PTPRK: variants seen among roughly 807,000 people sequenced by gnomAD.
PTPRK encodes protein tyrosine phosphatase receptor type K.
A neutral mutation model predicts 178.0 loss-of-function variants in PTPRK; 75 were observed. The ratio of observed to expected loss-of-function variants is 0.42; its 90% CI spans 0.35 to 0.51. PTPRK has a LOEUF of 0.51. Among genes scored for constraint, PTPRK ranks in the 20% least tolerant of loss-of-function variants. The pLI, the probability that PTPRK is intolerant of heterozygous loss-of-function variation, is 0.02. For synonymous variants in PTPRK, 637 were observed against 620.6 expected (o/e 1.03, Z -0.39); for missense variants, 1,441 against 1,797.8 (o/e 0.80, Z 3.59).
At chr6:128,520,208 C>A (rs1293341289) in intron 1 of PTPRK, 51 bp downstream of exon 1, 1 of 1,482,948 alleles carries the variant, frequency 6.7e-7, no homozygotes, top group South Asian at 1.2e-5. Context: ...GCTCACCCCT[C>A]GTGAGCCCAG....
intron 6 of PTPRK, among the ~76,000 whole-genome samples, chr6:128,188,241 T>C (rs911207737): frequency 2.6e-5 from 4 of 152,222 alleles, no homozygotes; most frequent in Admixed American, 2.6e-4. Context: ...CAAATTGTTT[T>C]ATTTTTATTT....
At chr6:128,224,708 G>A (rs1486249756) in intron 5 of PTPRK, among the ~76,000 whole-genome samples, 1 of 152,188 alleles carries the variant, frequency 6.6e-6, no homozygotes, top group African/African-American at 2.4e-5. Flanking sequence ...TCTGGCCAAG[G>A]AGATATGATA....
chr6:127,976,674 T>A lies in PTPRK; in HGVS notation c.3952A>T (p.Ile1318Leu), dbSNP rs773635255. The change falls in exon 27 of 30, where the codon ATA becomes TTA. Residue 1318 changes from isoleucine to leucine, a missense_variant. By Grantham distance (5) the Ile-to-Leu change is conservative. Transcript: ENST00000368226. ...DCDVINRIFR[I>L]CNLTRPQEGY... ...TGACTTACTCTTGTTAGATTGCATA[T>A]CCTAAAAATCCGGTTGATCACATCA... 12 of 1,613,886 alleles carry A rather than the reference T, an allele frequency of 7.4e-6. No homozygotes were observed. The highest frequency in any genetic ancestry group is 1.7e-5 in the Admixed American group (1 of 59,984).
Position 127,976,646 on chromosome 6 carries a change from T to C in PTPRK, c.3969+11A>G. On this transcript the variant is annotated intron_variant, in intron 27 of 29. Coordinates refer to ENST00000368226, the MANE Select transcript of PTPRK (RefSeq NM_002844.4). ...TTCTAGATCAGCTCAAAGGATCCGATAGTGACTTACTCTTGTTAGATTGCA... is the reference window on the plus strand; with the variant it reads ...TTCTAGATCAGCTCAAAGGATCCGACAGTGACTTACTCTTGTTAGATTGCA... The C allele has an allele frequency of 1.9e-6, 3 of 1,614,008 alleles. No individual in the cohort carries two copies. Among genetic ancestry groups the C allele is most frequent in the Non-Finnish European group, 2.5e-6 (3 of 1,179,964 alleles).
chr6:128,006,346 T>C (rs2114709319), intron 14 of PTPRK, among the ~76,000 whole-genome samples: 1 of 150,928 alleles, frequency 6.6e-6, no homozygotes, highest in East Asian at 1.9e-4. Context: ...ATTAAATGGA[T>C]TGTGTATTTT....
intron 3 of PTPRK, among the ~76,000 whole-genome samples, chr6:128,259,683 A>T (rs543806163): frequency 2.3e-4 from 35 of 152,300 alleles, no homozygotes; most frequent in African/African-American, 8.4e-4. Flanking sequence ...TATGTTTTAG[A>T]AGTATAATTC....
At chr6:128,373,393 T>G (rs1335567746) in intron 2 of PTPRK, among the ~76,000 whole-genome samples, 1 of 152,204 alleles carries the variant, frequency 6.6e-6, no homozygotes, top group Non-Finnish European at 1.5e-5. Context: ...CACAATGCCT[T>G]GGCTTCCATT....
intron 10 of PTPRK, among the ~76,000 whole-genome samples, chr6:128,081,499 G>A (rs1420353192): frequency 6.6e-6 from 1 of 151,304 alleles, no homozygotes; most frequent in Admixed American, 6.6e-5. Flanking sequence ...TAATGCAAAT[G>A]GTATAGATTA....
chr6:128,485,302 T>C (rs901144492), intron 1 of PTPRK, among the ~76,000 whole-genome samples: 4 of 152,224 alleles, frequency 2.6e-5, no homozygotes, highest in Admixed American at 6.5e-5. Flanking sequence ...TTAGTCTTCA[T>C]GTAGTTCTGC....
At chr6:128,069,743 T>A (rs1782490164) in intron 11 of PTPRK, among the ~76,000 whole-genome samples, 2 of 152,106 alleles carry the variant, frequency 1.3e-5, no homozygotes, top group Non-Finnish European at 2.9e-5. Flanking sequence ...ACACAAAATC[T>A]AGTGAACATT....
chr6:128,388,821 A>C (rs1350701662), intron 2 of PTPRK, among the ~76,000 whole-genome samples: 1 of 152,180 alleles, frequency 6.6e-6, no homozygotes, highest in Non-Finnish European at 1.5e-5. Context: ...GGAGTCAGAG[A>C]ATTATTTTTT....
At chr6:128,320,790 C>T (rs190685521) in intron 3 of PTPRK, among the ~76,000 whole-genome samples, 3 of 152,230 alleles carry the variant, frequency 2.0e-5, no homozygotes, top group Middle Eastern at 3.4e-3. Flanking sequence ...TAGTTTCACA[C>T]ACTCCCATCC....
At chr6:128,082,084 T>C (rs551932519) in intron 10 of PTPRK, among the ~76,000 whole-genome samples, 38 of 152,112 alleles carry the variant, frequency 2.5e-4, no homozygotes, top group Non-Finnish European at 4.9e-4. Context: ...CTACCATTTT[T>C]TTGATAACAT....
At chr6:128,312,609 A>T (rs556218375) in intron 3 of PTPRK, among the ~76,000 whole-genome samples, 1 of 152,164 alleles carries the variant, frequency 6.6e-6, no homozygotes, top group East Asian at 1.9e-4. Flanking sequence ...TTGTTTAATT[A>T]TGGCATTTTC....
At chr6:128,118,398 G>T (rs777969622) in intron 7 of PTPRK, among the ~76,000 whole-genome samples, 1 of 152,074 alleles carries the variant, frequency 6.6e-6, no homozygotes, top group Non-Finnish European at 1.5e-5. Flanking sequence ...AATACAGGAC[G>T]TAGAATTCAG....
chr6:128,066,735 TAAAA>T (rs1554284516), intron 12 of PTPRK, among the ~76,000 whole-genome samples: 1 of 147,506 alleles, frequency 6.8e-6, no homozygotes, highest in Non-Finnish European at 1.5e-5. Flanking sequence ...AATAAATAAA[TAAAA>T]ATAAGTTTTA....
Position 128,032,536 on chromosome 6 carries a change from T to C in PTPRK, c.2195-23268A>G, listed in dbSNP as rs181900595. Among the ~76,000 whole-genome samples the C allele has an allele frequency of 6.1e-4, 93 of 152,272 alleles. 1 individual carries two copies. The highest frequency in any genetic ancestry group is 5.3e-3 in the Admixed American group (81 of 15,280). On this transcript the variant is annotated intron_variant, in intron 13 of 29. Coordinates refer to ENST00000368226, the MANE Select transcript of PTPRK (RefSeq NM_002844.4). ...ATTTTAAATCAAATATATGAGTCAT[T>C]ATTTATTATGTGTTAACAGCCTATA...
intron 2 of PTPRK, among the ~76,000 whole-genome samples, chr6:128,373,071 C>T (rs1447680881): frequency 6.6e-6 from 1 of 151,658 alleles, no homozygotes; most frequent in African/African-American, 2.4e-5. Flanking sequence ...AGTAAAAGCA[C>T]AAAGTCTATG....
intron 1 of PTPRK, chr6:128,409,351 T>G (rs548494323): frequency 2.2e-6 from 1 of 454,432 alleles, no homozygotes; most frequent in Non-Finnish European, 4.4e-6. Context: ...AAAATCAGAA[T>G]GCAAAATAGA....
Sources: allele counts gnomAD v4.1 joint callset (sites outside exome capture counted in the v4.1 genomes callset), GRCh38; gene constraint gnomAD v4.1.1; transcripts MANE v1.5; gene names NCBI Gene and HGNC (gene_info 2026-07-23, HGNC 2026-07-21).